THSD7A: variants seen among roughly 807,000 people sequenced by gnomAD.
THSD7A encodes the protein thrombospondin type 1 domain containing 7A.
THSD7A carries 96 observed loss-of-function variants against 231.3 expected under a neutral mutation model. The observed-to-expected ratio is 0.41, with a 90% confidence interval of 0.35 to 0.49. The LOEUF is 0.49. Among genes scored for constraint, THSD7A ranks in the 20% least tolerant of loss-of-function variants. THSD7A has a pLI of 0.05. For synonymous variants in THSD7A, 940 were observed against 743.3 expected, an observed-to-expected ratio of 1.26 and a Z score of -4.30; for missense variants, 2,290 against 2,070.2, an observed-to-expected ratio of 1.11 and a Z score of -2.06.
At chr7:11,748,572 T>A (rs984825969) in intron 1 of THSD7A, among the ~76,000 whole-genome samples, 29 of 151,904 alleles carry the variant, frequency 1.9e-4, no homozygotes, top group African/African-American at 6.5e-4. Context: ...TAAAATACCC[T>A]CAGAACAAAG....
intron 4 of THSD7A, among the ~76,000 whole-genome samples, chr7:11,585,649 T>C (rs1472355574): frequency 2.0e-5 from 3 of 152,152 alleles, no homozygotes; most frequent in African/African-American, 7.2e-5. Flanking sequence ...AGTAAGATCA[T>C]TCATTACCTA....
chr7:11,418,801 C>T (rs1447468618), intron 16 of THSD7A, among the ~76,000 whole-genome samples: 3 of 151,882 alleles, frequency 2.0e-5, no homozygotes, highest in Non-Finnish European at 4.4e-5. Flanking sequence ...AAAAAAATAC[C>T]CAAACAAATA....
chr7:11,596,692 T>C (rs1403644429), intron 2 of THSD7A, among the ~76,000 whole-genome samples: 3 of 152,242 alleles, frequency 2.0e-5, no homozygotes, highest in African/African-American at 4.8e-5. Context: ...CACATCCCTG[T>C]TCGACTCTCC....
chr7:11,715,461 CT>C (rs1366742163), intron 1 of THSD7A, among the ~76,000 whole-genome samples: 1 of 151,488 alleles, frequency 6.6e-6, no homozygotes, highest in Admixed American at 6.6e-5. Context: ...ACTTAATTAA[CT>C]GCTAACAAGT....
intron 1 of THSD7A, among the ~76,000 whole-genome samples, chr7:11,655,040 G>A (rs1293321428): frequency 1.3e-5 from 2 of 151,802 alleles, no homozygotes; most frequent in Non-Finnish European, 1.5e-5. Flanking sequence ...GTTAAATACA[G>A]GTAATACAGT....
intron 2 of THSD7A, among the ~76,000 whole-genome samples, chr7:11,602,298 ATG>A (rs1251812299): frequency 1.3e-5 from 2 of 151,998 alleles, no homozygotes; most frequent in African/African-American, 4.8e-5. Flanking sequence ...GTGTGCATAT[ATG>A]TGTGTGTGTA....
intron 1 of THSD7A, among the ~76,000 whole-genome samples, chr7:11,822,271 C>G (rs1450781118): frequency 6.6e-6 from 1 of 152,014 alleles, no homozygotes; most frequent in Non-Finnish European, 1.5e-5. Context: ...AATTTTTTAC[C>G]ACCACTTATG....
intron 1 of THSD7A, among the ~76,000 whole-genome samples, chr7:11,819,628 G>A (rs1191313309): frequency 6.6e-6 from 1 of 152,188 alleles, no homozygotes; most frequent in African/African-American, 2.4e-5. Context: ...TATGGAGACA[G>A]TAAAAAGATA....
At chr7:11,597,735 G>T (rs1265608244) in intron 2 of THSD7A, among the ~76,000 whole-genome samples, 1 of 152,172 alleles carries the variant, frequency 6.6e-6, no homozygotes, top group Non-Finnish European at 1.5e-5. Context: ...TGTACTGGGT[G>T]CTTTCTGACC....
intron 1 of THSD7A, among the ~76,000 whole-genome samples, chr7:11,810,910 A>C (rs534325351): frequency 1.3e-5 from 2 of 152,310 alleles, no homozygotes; most frequent in African/African-American, 4.8e-5. Flanking sequence ...TAGGAAGACT[A>C]AAGACTCCTC....
intron 2 of THSD7A, among the ~76,000 whole-genome samples, chr7:11,617,729 G>C (rs1306061513): frequency 6.6e-6 from 1 of 152,090 alleles, no homozygotes; most frequent in Non-Finnish European, 1.5e-5. Flanking sequence ...CATGGATGAA[G>C]CTGGAAACCA....
chr7:11,747,295 T>A (rs1331296996), intron 1 of THSD7A, among the ~76,000 whole-genome samples: 2 of 151,950 alleles, frequency 1.3e-5, no homozygotes, highest in African/African-American at 4.8e-5. Flanking sequence ...GAAGTAGCCC[T>A]ATGGATGAGA....
chr7:11,621,288 G>C (rs6980366), intron 2 of THSD7A, among the ~76,000 whole-genome samples: 2 of 151,924 alleles, frequency 1.3e-5, no homozygotes, highest in Non-Finnish European at 2.9e-5. Flanking sequence ...TCAATACTGC[G>C]TTTCCAAATC....
At chr7:11,801,306 TTC>T (rs779267630) in intron 1 of THSD7A, among the ~76,000 whole-genome samples, 1 of 152,132 alleles carries the variant, frequency 6.6e-6, no homozygotes, top group Non-Finnish European at 1.5e-5. Flanking sequence ...CTTCCTGTCT[TTC>T]TCTCTCTCTG....
At chr7:11,389,295 A>T (rs1223100732) in intron 23 of THSD7A, among the ~76,000 whole-genome samples, 2 of 151,884 alleles carry the variant, frequency 1.3e-5, no homozygotes, top group East Asian at 3.9e-4. Flanking sequence ...GGGTGCATCT[A>T]TATTTAAGAC....
chr7:11,715,480 C>G (rs1781105110), intron 1 of THSD7A, among the ~76,000 whole-genome samples: 3 of 151,446 alleles, frequency 2.0e-5, no homozygotes, highest in African/African-American at 7.3e-5. Context: ...AGTGTTTAAA[C>G]TAGTTAGAAA....
chr7:11,632,110 T>C lies in THSD7A; in HGVS notation c.1022+4020A>G, dbSNP rs1290804858. Among the ~76,000 whole-genome samples, 1 of 152,162 alleles carries C rather than the reference T, an allele frequency of 6.6e-6. No homozygotes were observed. The highest frequency in any genetic ancestry group is 1.5e-5 in the Non-Finnish European group (1 of 68,022). On this transcript the variant is annotated intron_variant, in intron 2 of 27. Coordinates refer to ENST00000423059, the MANE Select transcript of THSD7A (RefSeq NM_015204.3). The surrounding 1 kb of genome is among the most constrained non-coding windows in gnomAD (Gnocchi z 4.1). ...TTGTTATCGTTATTACCATAGAGTA[T>C]AATGCACTTAATTATCTTGTGAAGT... is the stretch of plus-strand genomic sequence containing the variant.
intron 6 of THSD7A, among the ~76,000 whole-genome samples, chr7:11,513,680 T>C (rs1393704634): frequency 2.0e-5 from 3 of 152,190 alleles, no homozygotes; most frequent in Admixed American, 2.0e-4. Flanking sequence ...ATGTTTTCTC[T>C]TGAGGTGATG....
intron 1 of THSD7A, among the ~76,000 whole-genome samples, chr7:11,754,818 A>T (rs1174934880): frequency 6.6e-6 from 1 of 152,084 alleles, no homozygotes; most frequent in African/African-American, 2.4e-5. Flanking sequence ...GTTGAGTAAA[A>T]AATGTTTTAT....
Sources: allele counts gnomAD v4.1 joint callset (sites outside exome capture counted in the v4.1 genomes callset), GRCh38; gene constraint gnomAD v4.1.1; non-coding constraint Gnocchi (gnomAD v3.1); transcripts MANE v1.5; gene names NCBI Gene and HGNC (gene_info 2026-07-23, HGNC 2026-07-21).